Variants in STK32A observed in about 807,000 individuals in gnomAD.
The protein encoded by STK32A is serine/threonine kinase 32A.
STK32A carries 41 observed loss-of-function variants against 53.2 expected under a neutral mutation model. The observed-to-expected ratio is 0.77, with a 90% CI of 0.60 to 1.00. STK32A has a LOEUF of 1.00. Ranked by LOEUF, STK32A falls within the 50% of genes least tolerant of loss-of-function variation. STK32A has a pLI of 0.00. For synonymous variants in STK32A, 166 were observed against 162.8 expected, an observed-to-expected ratio of 1.02 and a Z score of -0.15; for missense variants, 458 against 485.8, an observed-to-expected ratio of 0.94 and a Z score of 0.54.
chr5:147,293,906 G>T (rs1286117622), intron 4 of STK32A, among the ~76,000 whole-genome samples: 1 of 124,632 alleles, frequency 8.0e-6, no homozygotes, highest in Non-Finnish European at 1.8e-5. Context: ...AAAGGAGAAT[G>T]CCAAATTTAT....
intron 5 of STK32A, among the ~76,000 whole-genome samples, chr5:147,330,323 T>C (rs189399152): frequency 2.6e-5 from 4 of 152,314 alleles, no homozygotes; most frequent in African/African-American, 4.8e-5. Context: ...GTAGAGTAAG[T>C]TGGCTAGAAA....
At chr5:147,377,330 T>G (rs1222609834) in intron 11 of STK32A, among the ~76,000 whole-genome samples, 1 of 152,148 alleles carries the variant, frequency 6.6e-6, no homozygotes, top group African/African-American at 2.4e-5. Context: ...TGTGGTTTCC[T>G]TCCATGGTTT....
chr5:147,282,372 T>C (rs375903021), intron 4 of STK32A, among the ~76,000 whole-genome samples: 1 of 151,936 alleles, frequency 6.6e-6, no homozygotes, highest in Admixed American at 6.6e-5. Context: ...TCTTTTTTGG[T>C]TTTTTGGAAA....
At chr5:147,279,515 T>C (rs1751948152) in intron 4 of STK32A, 117 bp downstream of exon 4, 3 of 875,794 alleles carry the variant, frequency 3.4e-6, no homozygotes, top group African/African-American at 3.4e-5. Context: ...CTTGACACAA[T>C]TGCAAGAAAG....
intron 4 of STK32A, among the ~76,000 whole-genome samples, chr5:147,306,280 C>G (rs1251603090): frequency 2.6e-5 from 4 of 151,902 alleles, no homozygotes; most frequent in African/African-American, 4.8e-5. Flanking sequence ...CTCTTTTAAC[C>G]ATCTTTCTAT....
At chr5:147,383,368 G>T in intron 11 of STK32A, 73 bp from the exon 12 acceptor site, 1 of 1,250,198 alleles carries the variant, frequency 8.0e-7, no homozygotes, top group East Asian at 2.5e-5. Context: ...CTGTCACCAG[G>T]TTATTGGCTG....
intron 4 of STK32A, among the ~76,000 whole-genome samples, chr5:147,287,271 A>G (rs1752388922): frequency 6.6e-6 from 1 of 152,028 alleles, no homozygotes; most frequent in Non-Finnish European, 1.5e-5. Context: ...CCTTCATTTT[A>G]TTTTACATTT....
At chr5:147,254,247 GGAGA>G in intron 2 of STK32A, among the ~76,000 whole-genome samples, 1 of 152,180 alleles carries the variant, frequency 6.6e-6, no homozygotes, top group East Asian at 1.9e-4. Flanking sequence ...TATCTTTTTG[GGAGA>G]CACCTTTGGT....
At chr5:147,320,453 A>T (rs62377742) in intron 4 of STK32A, among the ~76,000 whole-genome samples, 2 of 21,252 alleles carry the variant, frequency 9.4e-5, no homozygotes, top group Non-Finnish European at 1.8e-4. Context: ...TCTTTGATTC[A>T]TTGATTATGT....
intron 2 of STK32A, among the ~76,000 whole-genome samples, chr5:147,264,795 T>C (rs1361954619): frequency 3.3e-5 from 5 of 152,094 alleles, no homozygotes; most frequent in African/African-American, 1.2e-4. Context: ...CCAATGCATA[T>C]CTAAAGAGAG....
chr5:147,280,435 AG>A (rs559345545), intron 4 of STK32A, among the ~76,000 whole-genome samples: 226 of 66,614 alleles, frequency 3.4e-3, no homozygotes, highest in African/African-American at 0.012. Context: ...GGGATGGGGG[AG>A]GGGGGTGGTG....
chr5:147,378,858 TTTTTTTTTTTTTTTTTTTTTTTTG>T (rs1161681550), intron 11 of STK32A, among the ~76,000 whole-genome samples: 2 of 121,508 alleles, frequency 1.6e-5, no homozygotes, highest in Non-Finnish European at 3.5e-5. Context: ...TTTTTTTTTT[TTTTTTTTTTTTTTTTTTTTTTTTG>T]CTTAGGATTG....
At chr5:147,249,500 G>T (rs911570550) in intron 2 of STK32A, among the ~76,000 whole-genome samples, 14 of 151,776 alleles carry the variant, frequency 9.2e-5, no homozygotes, top group African/African-American at 3.1e-4. Flanking sequence ...CTAGTTTTCT[G>T]GGGGGTGGGA....
the STK32A span, among the ~76,000 whole-genome samples, chr5:147,394,513 C>T: frequency 1.4e-4 from 22 of 152,312 alleles, 1 homozygote; most frequent in African/African-American, 5.3e-4. Context: ...GAGGAGATAA[C>T]TGAGGTTCTG....
At chr5:147,266,206 G>A (rs192958345) in intron 2 of STK32A, among the ~76,000 whole-genome samples, 3 of 152,300 alleles carry the variant, frequency 2.0e-5, no homozygotes, top group East Asian at 3.9e-4. Context: ...TCCTCACTTA[G>A]GAGAGTTGGC....
Position 147,301,297 on chromosome 5 carries a change from A to AT in STK32A, c.260+21909dup, listed in dbSNP as rs34519535. 4.6e-5 allele frequency among the ~76,000 whole-genome samples: 7 copies of AT among 151,482 alleles called. No individual in the cohort carries two copies. The East Asian group carries it at 9.8e-4, about 21-fold the overall frequency. On this transcript the variant is annotated intron_variant, in intron 4 of 12. Coordinates refer to ENST00000397936, the MANE Select transcript of STK32A (RefSeq NM_001112724.2). ...GCCTGGTTGTTTATTTCACTAATGT[A>AT]TTTTTTTTTTCCTATAGATACAAAT...
chr5:147,320,300 T>G (rs1476198101), intron 4 of STK32A, among the ~76,000 whole-genome samples: 1 of 152,190 alleles, frequency 6.6e-6, no homozygotes, highest in Non-Finnish European at 1.5e-5. Context: ...TTCTTTTTAC[T>G]TCTTTACCAT....
chr5:147,326,878 GT>G (rs1267853931), intron 5 of STK32A, among the ~76,000 whole-genome samples: 5 of 149,892 alleles, frequency 3.3e-5, no homozygotes, highest in Non-Finnish European at 7.5e-5. Flanking sequence ...TCAAGGCAGT[GT>G]TTTTTGGTTT....
chr5:147,261,719 A>G (rs1306174543), intron 2 of STK32A, among the ~76,000 whole-genome samples: 3 of 152,234 alleles, frequency 2.0e-5, no homozygotes, highest in Admixed American at 1.3e-4. Context: ...AGTTTGGTTT[A>G]GAGCATAGCA....
Sources: gnomAD v4.1 joint callset for allele counts (sites outside exome capture counted in the v4.1 genomes callset) on GRCh38, gnomAD v4.1.1 for gene constraint, MANE v1.5 for transcripts, NCBI Gene and HGNC (gene_info 2026-07-23, HGNC 2026-07-21) for gene names.